FARS2: variants seen among roughly 807,000 people sequenced by gnomAD.
The protein encoded by FARS2 is phenylalanine--tRNA ligase, mitochondrial.
FARS2 carries 40 observed loss-of-function variants against 46.4 expected under a neutral mutation model. The observed-to-expected ratio is 0.86, with a 90% CI of 0.67 to 1.12. The LOEUF (loss-of-function observed/expected upper bound fraction) is 1.12. Among genes scored for constraint, FARS2 ranks in the 50% most tolerant of loss-of-function variants. FARS2 has a pLI of 0.00. For missense variants in FARS2, 513 were observed against 567.9 expected (o/e 0.90, Z 0.98); for synonymous variants, 234 against 214.9 (o/e 1.09, Z -0.78).
intron 1 of FARS2, among the ~76,000 whole-genome samples, chr6:5,354,656 G>A (rs947341717): frequency 1.1e-4 from 16 of 152,008 alleles, no homozygotes; most frequent in Non-Finnish European, 1.9e-4. Context: ...TGGGACTACA[G>A]GCGCCCGCCA....
chr6:5,539,784 T>C (rs1394516298), intron 4 of FARS2, among the ~76,000 whole-genome samples: 1 of 152,182 alleles, frequency 6.6e-6, no homozygotes, highest in African/African-American at 2.4e-5. Flanking sequence ...CCATTTCAAA[T>C]GCGAAAAACT....
At chr6:5,434,775 C>T (rs114204064) in intron 4 of FARS2, among the ~76,000 whole-genome samples, 1,647 of 133,612 alleles carry the variant, frequency 0.012, 34 homozygotes, top group African/African-American at 0.065. Context: ...CCTCCCTGCA[C>T]CCTGCTCTTC....
At chr6:5,416,779 T>C (rs1182985969) in intron 3 of FARS2, among the ~76,000 whole-genome samples, 2 of 152,198 alleles carry the variant, frequency 1.3e-5, no homozygotes, top group African/African-American at 4.8e-5. Flanking sequence ...CTTTTTGTTT[T>C]GTTATTGTAG....
chr6:5,339,228 T>G (rs200312121), intron 1 of FARS2, among the ~76,000 whole-genome samples: 1 of 152,240 alleles, frequency 6.6e-6, no homozygotes, highest in East Asian at 1.9e-4. Flanking sequence ...GTGTAATGTT[T>G]TAGACACTGT....
chr6:5,325,225 T>G (rs1770281204), intron 1 of FARS2, among the ~76,000 whole-genome samples: 1 of 152,200 alleles, frequency 6.6e-6, no homozygotes, highest in Admixed American at 6.5e-5. Context: ...TTTCTTTTCC[T>G]GAGTCAAAGG....
At chr6:5,692,766 A>G (rs1757837492) in intron 6 of FARS2, among the ~76,000 whole-genome samples, 1 of 152,220 alleles carries the variant, frequency 6.6e-6, no homozygotes, top group Non-Finnish European at 1.5e-5. Context: ...ACCTGTGAAC[A>G]TGTGGGATAT....
intron 1 of FARS2, among the ~76,000 whole-genome samples, chr6:5,285,291 G>A (rs1767028681): frequency 6.6e-6 from 1 of 152,126 alleles, no homozygotes; most frequent in Non-Finnish European, 1.5e-5. Context: ...GCAATAAGCT[G>A]GAGGAGGAGT....
intron 4 of FARS2, among the ~76,000 whole-genome samples, chr6:5,530,150 CG>C (rs1354200146): frequency 3.3e-5 from 5 of 152,092 alleles, no homozygotes; most frequent in African/African-American, 1.2e-4. Flanking sequence ...AAGTAAGCAT[CG>C]GGGTCTCCAG....
chr6:5,604,869 A>T (rs1378149367), intron 5 of FARS2, among the ~76,000 whole-genome samples: 1 of 152,204 alleles, frequency 6.6e-6, no homozygotes, highest in African/African-American at 2.4e-5. Flanking sequence ...CCAGATCCTT[A>T]TTCCGGTCAT....
intron 5 of FARS2, among the ~76,000 whole-genome samples, chr6:5,588,502 A>G (rs1000967137): frequency 1.3e-5 from 2 of 152,186 alleles, no homozygotes; most frequent in African/African-American, 4.8e-5. Context: ...GCAAAGTCCT[A>G]GGGACCTCTG....
At chr6:5,497,845 C>T (rs1354689222) in intron 4 of FARS2, among the ~76,000 whole-genome samples, 2 of 152,010 alleles carry the variant, frequency 1.3e-5, no homozygotes, top group East Asian at 3.8e-4. Context: ...ATTCATTAAC[C>T]TTTCATTGTA....
intron 1 of FARS2, 137 bp from the exon 2 acceptor site, chr6:5,368,413 C>T (rs1411522123): frequency 1.4e-6 from 1 of 693,192 alleles, no homozygotes; most frequent in Non-Finnish European, 2.4e-6. Context: ...CTTTAATTGG[C>T]TCTTTCAGCT....
chr6:5,579,352 CT>C (rs539013553), intron 5 of FARS2, among the ~76,000 whole-genome samples: 177 of 152,266 alleles, frequency 1.2e-3, no homozygotes, highest in Non-Finnish European at 1.9e-3. Context: ...CCTCCGCCTC[CT>C]GGGTTCAAGC....
chr6:5,736,897 C>T (rs1358770553), intron 6 of FARS2, among the ~76,000 whole-genome samples: 1 of 152,070 alleles, frequency 6.6e-6, no homozygotes, highest in African/African-American at 2.4e-5. Context: ...AACTTGCATC[C>T]CATCTCACTC....
At chr6:5,496,157 G>A (rs1767449767) in intron 4 of FARS2, among the ~76,000 whole-genome samples, 1 of 152,094 alleles carries the variant, frequency 6.6e-6, no homozygotes. Flanking sequence ...TTGGTTGGGG[G>A]TGGAAGGAGG....
rs374997372 is a variant in FARS2, at chr6:5,363,315, A to G, written c.-21-5235A>G. Reference sequence around the variant, plus strand: ...TGGACATTAGCTTTTTCCCAGATACATGGCTTGTAAATACTTTTTCCCATT... The same window carrying G: ...TGGACATTAGCTTTTTCCCAGATACGTGGCTTGTAAATACTTTTTCCCATT... On this transcript the variant is annotated intron_variant, in intron 1 of 6. Coordinates refer to ENST00000274680, the MANE Select transcript of FARS2 (RefSeq NM_006567.5). Among the ~76,000 whole-genome samples, 57 of 152,266 alleles carry G rather than the reference A, an allele frequency of 3.7e-4. No homozygotes were observed. The South Asian group carries it at 9.3e-3, about 25-fold the overall frequency.
intron 1 of FARS2, among the ~76,000 whole-genome samples, chr6:5,342,852 G>A (rs1771755250): frequency 6.6e-6 from 1 of 152,080 alleles, no homozygotes. Context: ...CATTGTCCAA[G>A]TGATAGGAGG....
At chr6:5,705,762 C>T (rs1353509236) in intron 6 of FARS2, among the ~76,000 whole-genome samples, 1 of 152,208 alleles carries the variant, frequency 6.6e-6, no homozygotes, top group African/African-American at 2.4e-5. Context: ...ACCCATCCCT[C>T]AGCTCGCGCC....
chr6:5,725,079 A>G (rs1486097983), intron 6 of FARS2, among the ~76,000 whole-genome samples: 2 of 152,252 alleles, frequency 1.3e-5, no homozygotes, highest in African/African-American at 4.8e-5. Context: ...GTCTAAGGGA[A>G]GGTATTTTGC....
Sources: allele counts gnomAD v4.1 joint callset (sites outside exome capture counted in the v4.1 genomes callset), GRCh38; gene constraint gnomAD v4.1.1; transcripts MANE v1.5; gene names NCBI Gene and HGNC (gene_info 2026-07-23, HGNC 2026-07-21).